TNR: variants seen among roughly 807,000 people sequenced by gnomAD.
TNR encodes tenascin R, also known as tenascin-R.
A neutral mutation model predicts 150.4 loss-of-function variants in TNR; 45 were observed. That is an observed-to-expected ratio of 0.30 (90% CI 0.24 to 0.38). The LOEUF is 0.38. TNR is among the 10% of genes least tolerant of loss of function. The probability of loss-of-function intolerance (pLI) is 1.00; values close to 1 mark genes in which losing one functional copy is unlikely to be tolerated. For missense variants in TNR, 1,544 were observed against 1,759.1 expected (o/e 0.88, Z 2.19); for synonymous variants, 687 against 678.4 (o/e 1.01, Z -0.20).
Position 175,718,762 on chromosome 1 carries a change from CG to C in TNR, c.-165+24463del, listed in dbSNP as rs373301238. On this transcript the variant is annotated intron_variant, in intron 1 of 22. Coordinates refer to ENST00000367674, the MANE Select transcript of TNR (RefSeq NM_003285.3). Reference sequence around the variant, plus strand: ...TGGCCATATCATGTAAACAGAAGCCCGGGGGATTATATGACTTGTCTAACGT... The same window carrying C: ...TGGCCATATCATGTAAACAGAAGCCCGGGGATTATATGACTTGTCTAACGT... Among the ~76,000 whole-genome samples, 222 of 152,242 alleles carry C rather than the reference CG, an allele frequency of 1.5e-3. 1 individual carries two copies. Among genetic ancestry groups the C allele is most frequent in the African/African-American group, 5.0e-3 (209 of 41,518 alleles).
rs1648814836 is a variant in TNR, at chr1:175,315,707, CT to C, written c.*7649del. The C allele has an allele frequency of 6.6e-6, 1 of 152,118 alleles. No individual in the cohort carries two copies. Among genetic ancestry groups the C allele is most frequent in the Non-Finnish European group, 1.5e-5 (1 of 68,076 alleles). 9.4% of individuals were successfully genotyped at this position (152,118 alleles called of 1,614,324 possible). A position where few individuals can be genotyped will look rare whatever the true frequency, so the allele number is the denominator to read the frequency against. On this transcript the variant is annotated 3_prime_UTR_variant, in exon 23 of 23. Transcript: ENST00000367674. ...GTGTCACAGTGATTTGCTTAGGGTA[CT>C]TGGGCATCCCCATGGGCCTGGGGAG...
intron 2 of TNR, among the ~76,000 whole-genome samples, chr1:175,413,078 T>G (rs937528354): frequency 1.3e-5 from 2 of 152,152 alleles, no homozygotes; most frequent in African/African-American, 2.4e-5. Flanking sequence ...CAGGCTGGAG[T>G]GCAGTGGCAC....
intron 1 of TNR, among the ~76,000 whole-genome samples, chr1:175,679,522 T>A (rs1205491649): frequency 6.6e-6 from 1 of 152,230 alleles, no homozygotes; most frequent in Non-Finnish European, 1.5e-5. Context: ...GTGTCCACTC[T>A]ATTATGAGAT....
At position 175,575,758 on chromosome 1, in the gene TNR, G is replaced by A. The variant is rs549371335; in HGVS notation, c.-164-47389C>T. On this transcript the variant is annotated intron_variant, in intron 1 of 22. Transcript: ENST00000367674. Reference sequence around the variant, plus strand: ...GAGAGAGCCCGCACCACAGTGCACCGGGGGACTGTGTATGATGGGCTTAGG... The same window carrying A: ...GAGAGAGCCCGCACCACAGTGCACCAGGGGACTGTGTATGATGGGCTTAGG... 1.3e-3 allele frequency among the ~76,000 whole-genome samples: 193 copies of A among 152,264 alleles called. 1 individual carries two copies. Among genetic ancestry groups the A allele is most frequent in the African/African-American group, 2.4e-3 (98 of 41,552 alleles).
chr1:175,446,464 T>C (rs1656049568), intron 2 of TNR, among the ~76,000 whole-genome samples: 1 of 152,204 alleles, frequency 6.6e-6, no homozygotes, highest in African/African-American at 2.4e-5. Flanking sequence ...GGTGACATAG[T>C]CTAATTTATG....
At chr1:175,684,643 G>A (rs944002661) in intron 1 of TNR, among the ~76,000 whole-genome samples, 1 of 152,172 alleles carries the variant, frequency 6.6e-6, no homozygotes, top group Non-Finnish European at 1.5e-5. Context: ...AAGAGACCCA[G>A]TATGAATGAT....
intron 19 of TNR, 148 bp downstream of exon 19, chr1:175,337,380 G>C: frequency 1.2e-6 from 1 of 867,314 alleles, no homozygotes. Context: ...CATGGGCCTT[G>C]AGGGCAATGA....
At chr1:175,331,067 TTCTTTCTTTCC>T (rs1649810845) in intron 20 of TNR, among the ~76,000 whole-genome samples, 1 of 128,752 alleles carries the variant, frequency 7.8e-6, no homozygotes, top group African/African-American at 3.1e-5. Context: ...CTTTCTTTCT[TTCTTTCTTTCC>T]TTCTTTCTTT....
intron 2 of TNR, among the ~76,000 whole-genome samples, chr1:175,522,264 G>A (rs979145024): frequency 1.5e-4 from 23 of 152,258 alleles, no homozygotes; most frequent in African/African-American, 4.8e-4. Flanking sequence ...GTGAAAACTC[G>A]GGTACCACAG....
chr1:175,530,390 C>T (rs1660017174), intron 1 of TNR, among the ~76,000 whole-genome samples: 1 of 152,194 alleles, frequency 6.6e-6, no homozygotes, highest in African/African-American at 2.4e-5. Context: ...ATGGGCAAAG[C>T]AGCTCTTTTT....
chr1:175,563,270 C>T (rs892775166), intron 1 of TNR, among the ~76,000 whole-genome samples: 1 of 152,200 alleles, frequency 6.6e-6, no homozygotes, highest in Admixed American at 6.5e-5. Context: ...AGTAAAAAGG[C>T]AAGTGGATGA....
chr1:175,384,871 C>A (rs1250259847), intron 8 of TNR, among the ~76,000 whole-genome samples: 2 of 152,182 alleles, frequency 1.3e-5, no homozygotes, highest in African/African-American at 4.8e-5. Flanking sequence ...ATTTTGGTGT[C>A]CATCTGTTTC....
intron 2 of TNR, among the ~76,000 whole-genome samples, chr1:175,507,696 A>G (rs1659017060): frequency 6.6e-6 from 1 of 152,064 alleles, no homozygotes; most frequent in Admixed American, 6.6e-5. Flanking sequence ...ATCCTTCAAG[A>G]CCCAGTTTCT....
chr1:175,658,594 A>G (rs1665266124), intron 1 of TNR, among the ~76,000 whole-genome samples: 1 of 152,226 alleles, frequency 6.6e-6, no homozygotes, highest in Non-Finnish European at 1.5e-5. Flanking sequence ...AAGTGGTCCC[A>G]ATGGCTAGAA....
chr1:175,593,522 T>G (rs1662886937), intron 1 of TNR, among the ~76,000 whole-genome samples: 1 of 152,132 alleles, frequency 6.6e-6, no homozygotes, highest in Non-Finnish European at 1.5e-5. Context: ...ACAAATAGAA[T>G]CTAATAAAAG....
intron 2 of TNR, among the ~76,000 whole-genome samples, chr1:175,409,054 G>A (rs1037985726): frequency 5.9e-5 from 9 of 152,266 alleles, no homozygotes; most frequent in Non-Finnish European, 1.2e-4. Flanking sequence ...TCCTAAAGCC[G>A]CCTCTCATCC....
At chr1:175,475,225 T>C (rs758169612) in intron 2 of TNR, among the ~76,000 whole-genome samples, 6 of 152,196 alleles carry the variant, frequency 3.9e-5, no homozygotes, top group African/African-American at 7.2e-5. Flanking sequence ...CTTCTCCATA[T>C]CTTTCATCTG....
intron 1 of TNR, among the ~76,000 whole-genome samples, chr1:175,597,692 A>T (rs1663062446): frequency 6.6e-6 from 1 of 152,138 alleles, no homozygotes; most frequent in South Asian, 2.1e-4. Context: ...TGAGGGGTGT[A>T]TTGGAAATGT....
rs760449162 is a variant in TNR at position 175,403,542 on chromosome 1, C to T, written c.574G>A (p.Glu192Lys). 8.1e-6 allele frequency: 13 copies of T among 1,614,084 alleles called. No individual in the cohort carries two copies. The highest frequency in any genetic ancestry group is 2.2e-5 in the South Asian group (2 of 91,086). ...GAGCAATTCTTGCCAAACCAGCCTT[C>T]GTTGCAGATGCAGCCACAGGACTCA... ...SFESCGCICN[E>K]GWFGKNCSEP... Residue 192 changes from glutamate (E) to lysine (K), a missense_variant, in exon 4 of 23, where the codon GAA becomes AAA. Glu to Lys is a moderately conservative substitution (Grantham distance 56, BLOSUM62 1). Transcript: ENST00000367674.
Sources: allele counts gnomAD v4.1 joint callset (sites outside exome capture counted in the v4.1 genomes callset), GRCh38; gene constraint gnomAD v4.1.1; transcripts MANE v1.5; gene names NCBI Gene and HGNC (gene_info 2026-07-23, HGNC 2026-07-21).